The following FAM110B variants were observed in gnomAD, a reference collection of about 807,000 sequenced individuals.
FAM110B encodes the protein family with sequence similarity 110 member B, also known as protein FAM110B.
Under a neutral mutation model 20.4 loss-of-function variants are expected in FAM110B, and 6 were observed. The ratio of observed to expected loss-of-function variants is 0.29; its 90% CI spans 0.16 to 0.58. The LOEUF is 0.58. Ranked by LOEUF, FAM110B falls within the 20% of genes least tolerant of loss-of-function variation. The pLI is 0.90. For synonymous variants in FAM110B, 226 were observed against 214.1 expected (o/e 1.06, Z -0.49); for missense variants, 434 against 498.2 (o/e 0.87, Z 1.23).
intron 3 of FAM110B, among the ~76,000 whole-genome samples, chr8:58,129,205 A>AG (rs1171010435): frequency 6.6e-6 from 1 of 152,198 alleles, no homozygotes; most frequent in Non-Finnish European, 1.5e-5. Flanking sequence ...CCTGAGTCAG[A>AG]GTTGGTCTGG....
intron 2 of FAM110B, among the ~76,000 whole-genome samples, chr8:58,074,162 C>T (rs978007554): frequency 7.9e-5 from 12 of 152,282 alleles, no homozygotes; most frequent in African/African-American, 2.9e-4. Flanking sequence ...TCTGACCCAG[C>T]GGACCTCCAG....
chr8:58,058,600 T>C (rs1305654144), intron 2 of FAM110B, among the ~76,000 whole-genome samples: 2 of 152,148 alleles, frequency 1.3e-5, no homozygotes, highest in Admixed American at 1.3e-4. Flanking sequence ...CAAGGCACAA[T>C]ATGACATTGA....
chr8:58,121,883 A>T (rs1807369809), intron 3 of FAM110B, among the ~76,000 whole-genome samples: 1 of 152,132 alleles, frequency 6.6e-6, no homozygotes, highest in South Asian at 2.1e-4. Context: ...CTGTGCTGTG[A>T]CTTCTCATCA....
intron 2 of FAM110B, among the ~76,000 whole-genome samples, chr8:58,069,481 G>A (rs890763515): frequency 6.6e-6 from 1 of 152,212 alleles, no homozygotes; most frequent in Non-Finnish European, 1.5e-5. Context: ...ACCCACGTAT[G>A]TATCACAGGA....
rs142427465 is a variant in FAM110B at position 58,054,881 on chromosome 8, T to A, written c.-413-20654T>A. Among the ~76,000 whole-genome samples, 29 of 152,134 alleles carry A rather than the reference T, an allele frequency of 1.9e-4. No individual in the cohort carries two copies. In the East Asian group the frequency reaches 5.6e-3, roughly 29 times the overall value. ...ACTCATATATCTTAAAAATTAACAG[T>A]TATTTCATAGCACTTTCTCAGGTCC... On this transcript the variant is annotated intron_variant, in intron 2 of 3. Coordinates refer to ENST00000519262, the MANE Select transcript of FAM110B (RefSeq NM_001377989.1).
chr8:58,078,984 T>C (rs1382817212), intron 3 of FAM110B, among the ~76,000 whole-genome samples: 1 of 152,178 alleles, frequency 6.6e-6, no homozygotes, highest in Non-Finnish European at 1.5e-5. Context: ...CCAGACACCT[T>C]TTTTTTCCAA....
At chr8:58,087,582 A>G (rs2150601265) in intron 3 of FAM110B, among the ~76,000 whole-genome samples, 1 of 152,010 alleles carries the variant, frequency 6.6e-6, no homozygotes, top group East Asian at 1.9e-4. Context: ...CCAAAACTTG[A>G]CCTCTCTCTC....
At chr8:58,066,202 C>G (rs1055018215) in intron 2 of FAM110B, among the ~76,000 whole-genome samples, 2 of 152,204 alleles carry the variant, frequency 1.3e-5, no homozygotes, top group African/African-American at 2.4e-5. Flanking sequence ...CAACTGACTT[C>G]TAAACCGAGC....
intron 3 of FAM110B, among the ~76,000 whole-genome samples, chr8:58,133,561 C>T (rs1413408521): frequency 6.6e-6 from 1 of 152,182 alleles, no homozygotes; most frequent in Non-Finnish European, 1.5e-5. Context: ...AAAGACTTCC[C>T]TGTAGTTTTG....
intron 1 of FAM110B, among the ~76,000 whole-genome samples, chr8:58,006,628 G>A (rs1804408695): frequency 6.6e-6 from 1 of 150,614 alleles, no homozygotes; most frequent in African/African-American, 2.4e-5. Flanking sequence ...TTCAATGCAG[G>A]GTCTCACTCT....
At chr8:58,118,611 G>A (rs1191847155) in intron 3 of FAM110B, among the ~76,000 whole-genome samples, 1 of 152,160 alleles carries the variant, frequency 6.6e-6, no homozygotes, top group Admixed American at 6.5e-5. Flanking sequence ...TCTGTGCTAA[G>A]GAGACTGTTT....
chr8:58,055,130 A>G (rs892483681), intron 2 of FAM110B, among the ~76,000 whole-genome samples: 5 of 152,174 alleles, frequency 3.3e-5, no homozygotes, highest in African/African-American at 7.2e-5. Flanking sequence ...TAGTTTATCT[A>G]CTGTAATGAG....
At chr8:58,113,842 TG>T (rs1292293067) in intron 3 of FAM110B, among the ~76,000 whole-genome samples, 1 of 152,232 alleles carries the variant, frequency 6.6e-6, no homozygotes, top group Non-Finnish European at 1.5e-5. Flanking sequence ...TTTCTGTAAT[TG>T]CTTTAGATTC....
chr8:58,133,278 T>C (rs968029123), intron 3 of FAM110B, among the ~76,000 whole-genome samples: 11 of 151,220 alleles, frequency 7.3e-5, no homozygotes, highest in African/African-American at 2.7e-4. Flanking sequence ...ACTTTCATAA[T>C]ACATTAGGTG....
intron 1 of FAM110B, chr8:58,031,196 G>A (rs867555105): frequency 3.9e-5 from 6 of 152,284 alleles, no homozygotes; most frequent in Middle Eastern, 6.8e-3. Context: ...CGATGTTTCT[G>A]GAGGACAGTG....
intron 1 of FAM110B, among the ~76,000 whole-genome samples, chr8:58,011,388 A>G (rs751427708): frequency 2.6e-5 from 4 of 152,176 alleles, no homozygotes; most frequent in Non-Finnish European, 4.4e-5. Flanking sequence ...CTAATAAGCA[A>G]CTGCAGACAT....
At chr8:58,024,445 A>G (rs1804815989) in intron 1 of FAM110B, among the ~76,000 whole-genome samples, 2 of 152,202 alleles carry the variant, frequency 1.3e-5, no homozygotes, top group African/African-American at 2.4e-5. Context: ...GGAGATAGAA[A>G]GAACTTTATT....
intron 2 of FAM110B, among the ~76,000 whole-genome samples, chr8:58,072,223 G>A (rs1159565123): frequency 6.6e-6 from 1 of 152,162 alleles, no homozygotes; most frequent in Non-Finnish European, 1.5e-5. Flanking sequence ...AAAGCCTTGG[G>A]CACACATAAA....
intron 2 of FAM110B, among the ~76,000 whole-genome samples, chr8:58,033,659 A>T (rs1805016746): frequency 6.6e-6 from 1 of 152,236 alleles, no homozygotes; most frequent in African/African-American, 2.4e-5. Flanking sequence ...ACAAACATGA[A>T]AAAATACTCA....
Sources: gnomAD v4.1 joint callset for allele counts (sites outside exome capture counted in the v4.1 genomes callset) on GRCh38, gnomAD v4.1.1 for gene constraint, MANE v1.5 for transcripts, NCBI Gene and HGNC (gene_info 2026-07-23, HGNC 2026-07-21) for gene names.